Variants in UNC13B observed in about 807,000 individuals in gnomAD.
UNC13B encodes the protein protein unc-13 homolog B.
In UNC13B, 144 loss-of-function variants were observed where a neutral mutation model predicts 211.0. That is an observed-to-expected ratio of 0.68 (90% confidence interval 0.60 to 0.78). The LOEUF is 0.78. Ranked by LOEUF, UNC13B falls within the 30% of genes least tolerant of loss-of-function variation. UNC13B has a pLI of 0.00. For synonymous variants in UNC13B, 709 were observed against 725.8 expected (o/e 0.98, Z 0.37); for missense variants, 1,777 against 2,002.0 (o/e 0.89, Z 2.14).
Position 35,347,117 on chromosome 9 carries a change from C to G in UNC13B, c.9415-19830C>G, listed in dbSNP as rs554541847. Among the ~76,000 whole-genome samples, 5 of 152,218 alleles carry G rather than the reference C, an allele frequency of 3.3e-5. No individual in the cohort carries two copies. The East Asian group carries it at 9.6e-4, about 29-fold the overall frequency. Reference sequence around the variant, plus strand: ...ATCTCCCTACCTTGCCCATACTGGTCTCTAACTCCTGGGCTCAAAGGATCT... The same window carrying G: ...ATCTCCCTACCTTGCCCATACTGGTGTCTAACTCCTGGGCTCAAAGGATCT... On this transcript the variant is annotated intron_variant, in intron 11 of 39. Transcript: ENST00000635942.
At chr9:35,324,151 A>G (rs986840438) in intron 11 of UNC13B, among the ~76,000 whole-genome samples, 6 of 152,228 alleles carry the variant, frequency 3.9e-5, no homozygotes, top group African/African-American at 1.2e-4. Context: ...ATTTAGGACC[A>G]GGATTCAAAT....
chr9:35,297,710 C>T (rs546128964), intron 8 of UNC13B, among the ~76,000 whole-genome samples: 4 of 151,932 alleles, frequency 2.6e-5, no homozygotes, highest in East Asian at 3.9e-4. Flanking sequence ...CCACCGTGCC[C>T]GGCTAATTTT....
rs574314669 is a variant in UNC13B, at chr9:35,335,245, G to T, written c.9414+21256G>T. Among the ~76,000 whole-genome samples the T allele has an allele frequency of 1.3e-4, 20 of 152,300 alleles. No individual in the cohort carries two copies. In the East Asian group the frequency reaches 3.7e-3, roughly 28 times the overall value. On this transcript the variant is annotated intron_variant, in intron 11 of 39. Coordinates refer to ENST00000635942, the MANE Select transcript of UNC13B (RefSeq NM_001371189.2). ...CAGTTAAGTATCAGGAAATGGCCAAGAAATAAAATAACATGAGCTTCTAAA... is the reference window on the plus strand; with the variant it reads ...CAGTTAAGTATCAGGAAATGGCCAATAAATAAAATAACATGAGCTTCTAAA...
chr9:35,207,690 A>G (rs1488691631), intron 1 of UNC13B, among the ~76,000 whole-genome samples: 2 of 152,070 alleles, frequency 1.3e-5, no homozygotes, highest in African/African-American at 4.8e-5. Context: ...TCCTTTGCCC[A>G]TTTAAAAATT....
chr9:35,286,191 A>G (rs1000147656), intron 7 of UNC13B, among the ~76,000 whole-genome samples: 1 of 147,640 alleles, frequency 6.8e-6, no homozygotes, highest in Non-Finnish European at 1.5e-5. Flanking sequence ...GGAACCAGTT[A>G]TCAGACAGAC....
chr9:35,172,964 A>G (rs995749304), intron 1 of UNC13B, among the ~76,000 whole-genome samples: 16 of 152,166 alleles, frequency 1.1e-4, no homozygotes, highest in African/African-American at 3.1e-4. Context: ...CTTTTGCTAT[A>G]GTAAGTGCTT....
At chr9:35,188,420 A>T (rs1177069329) in intron 1 of UNC13B, among the ~76,000 whole-genome samples, 1 of 152,238 alleles carries the variant, frequency 6.6e-6, no homozygotes, top group African/African-American at 2.4e-5. Context: ...AATTGATAGC[A>T]TATACTTAGA....
chr9:35,314,508 CTG>C (rs1444007526), intron 11 of UNC13B, among the ~76,000 whole-genome samples: 3 of 152,124 alleles, frequency 2.0e-5, no homozygotes, highest in Non-Finnish European at 2.9e-5. Flanking sequence ...GTGTCTTTAT[CTG>C]TGTGTTAGGA....
At chr9:35,277,840 A>G (rs1276193253) in intron 7 of UNC13B, among the ~76,000 whole-genome samples, 1 of 151,480 alleles carries the variant, frequency 6.6e-6, no homozygotes, top group Non-Finnish European at 1.5e-5. Flanking sequence ...AGTACCCTCA[A>G]TGGGTACACA....
chr9:35,261,537 C>T (rs1012792423), intron 7 of UNC13B, among the ~76,000 whole-genome samples: 23 of 151,870 alleles, frequency 1.5e-4, no homozygotes, highest in African/African-American at 5.3e-4. Context: ...TATTTTGATA[C>T]GGGCATACAA....
At chr9:35,318,533 A>G (rs574309153) in intron 11 of UNC13B, among the ~76,000 whole-genome samples, 1 of 152,368 alleles carries the variant, frequency 6.6e-6, no homozygotes, top group East Asian at 1.9e-4. Context: ...TTTTATACAA[A>G]AGATGGTATA....
Position 35,295,867 on chromosome 9 carries a change from G to A in UNC13B, c.698G>A (p.Arg233Gln), listed in dbSNP as rs370437520. 41 of 1,613,972 alleles carry A rather than the reference G, an allele frequency of 2.5e-5. 1 individual carries two copies. Among genetic ancestry groups the A allele is most frequent in the East Asian group, 2.2e-4 (10 of 44,896 alleles). ...PQQLLLQGSS[R>Q]DSCNDSMQSY... ...CAGCTGCTACTTCAAGGCAGTTCCCGGGACTCTTGTAATGACTCTATGCAA... is the reference window on the plus strand; with the variant it reads ...CAGCTGCTACTTCAAGGCAGTTCCCAGGACTCTTGTAATGACTCTATGCAA... The change falls in exon 8 of 40, where the codon CGG becomes CAG. Residue 233 changes from arginine to glutamine, a missense_variant. Arg to Gln is a conservative substitution (Grantham distance 43). Coordinates refer to ENST00000635942, the MANE Select transcript of UNC13B (RefSeq NM_001371189.2).
chr9:35,380,385 C>T (rs893073592), intron 17 of UNC13B, 85 bp from the exon 18 acceptor site: 14 of 1,446,516 alleles, frequency 9.7e-6, no homozygotes, highest in South Asian at 4.0e-5. Flanking sequence ...GTGCAGCTGT[C>T]GGAGCTTTTG....
chr9:35,204,720 C>G (rs1225303396), intron 1 of UNC13B, among the ~76,000 whole-genome samples: 1 of 152,146 alleles, frequency 6.6e-6, no homozygotes, highest in Non-Finnish European at 1.5e-5. Context: ...GCCTGTACCC[C>G]CATTATATCT....
At chr9:35,352,869 A>G (rs1416758908) in intron 11 of UNC13B, 2 of 1,232,172 alleles carry the variant, frequency 1.6e-6, no homozygotes, top group Non-Finnish European at 2.0e-6. Context: ...TTCAAACAGT[A>G]CAGCCAAAAA....
At chr9:35,195,571 G>A (rs1008700443) in intron 1 of UNC13B, among the ~76,000 whole-genome samples, 2 of 152,090 alleles carry the variant, frequency 1.3e-5, no homozygotes, top group Non-Finnish European at 2.9e-5. Flanking sequence ...CATCCTCATA[G>A]CTGTTTTGTT....
intron 12 of UNC13B, among the ~76,000 whole-genome samples, chr9:35,369,745 A>T (rs1004590932): frequency 1.3e-5 from 2 of 152,068 alleles, no homozygotes; most frequent in Non-Finnish European, 2.9e-5. Flanking sequence ...ATTACACTTG[A>T]TTATGAGGGC....
intron 13 of UNC13B, among the ~76,000 whole-genome samples, chr9:35,371,349 C>CTTTT (rs751513784): frequency 9.5e-4 from 132 of 138,794 alleles, no homozygotes; most frequent in East Asian, 6.1e-3. Context: ...TTCTTTCTTT[C>CTTTT]TTTTTTTTTT....
chr9:35,304,882 C>T lies in UNC13B; in HGVS notation c.5478C>T (p.Ser1826=), dbSNP rs1312602822. The change falls in exon 9 of 40, where the codon TCC becomes TCT. Residue 1826 remains serine, a synonymous_variant. Coordinates refer to ENST00000635942, the MANE Select transcript of UNC13B (RefSeq NM_001371189.2). ...AGGATTCAGAAAGACAGATAGTATC[C>T]AATGTTCAGCATCCAGAATTGATCA... ...LLKDSERQIV[S]NVQHPELIKN... is the part of the protein sequence containing the mutation. 1.0e-5 allele frequency: 4 copies of T among 398,690 alleles called. No homozygotes were observed. The highest frequency in any genetic ancestry group is 1.8e-5 in the Non-Finnish European group (4 of 225,982). 24.7% of individuals were successfully genotyped at this position (398,690 alleles called of 1,614,324 possible). A position where few individuals can be genotyped will look rare whatever the true frequency, so the allele number is the denominator to read the frequency against.
Sources: gnomAD v4.1 joint callset for allele counts (sites outside exome capture counted in the v4.1 genomes callset) on GRCh38, gnomAD v4.1.1 for gene constraint, MANE v1.5 for transcripts, NCBI Gene and HGNC (gene_info 2026-07-23, HGNC 2026-07-21) for gene names.